Variants in RP1 observed in about 807,000 individuals in gnomAD.
RP1 encodes oxygen-regulated protein 1.
Under a neutral mutation model 14.8 loss-of-function variants are expected in RP1, and 16 were observed. The observed-to-expected ratio is 1.08, with a 90% CI of 0.73 to 1.65. The LOEUF (loss-of-function observed/expected upper bound fraction) is 1.65, where lower values mean the gene tolerates loss of function less well. RP1 is among the 40% of genes most tolerant of loss of function. The probability of loss-of-function intolerance (pLI) is 0.00; values close to 1 mark genes in which losing one functional copy is unlikely to be tolerated. For synonymous variants in RP1, 876 were observed against 883.6 expected (o/e 0.99, Z 0.15); for missense variants, 2,631 against 2,535.0 (o/e 1.04, Z -0.81).
chr8:54,863,101 C>A, intron 27 of RP1, among the ~76,000 whole-genome samples: 2 of 131,140 alleles, frequency 1.5e-5, no homozygotes, highest in Admixed American at 8.4e-5. Context: ...GCTGCATAAC[C>A]ATGTTTCAGT....
chr8:54,819,002 G>A (rs781655003), intron 24 of RP1, among the ~76,000 whole-genome samples: 9 of 151,938 alleles, frequency 5.9e-5, no homozygotes, highest in Non-Finnish European at 1.3e-4. Context: ...AGGAGGGGGA[G>A]GTGAAATGCA....
chr8:54,773,735 T>A (rs146204309), downstream of RP1, among the ~76,000 whole-genome samples: 290 of 152,286 alleles, frequency 1.9e-3, no homozygotes, highest in Non-Finnish European at 3.2e-3. Flanking sequence ...ATGAAAGAAC[T>A]GATATTGGAA....
intron 12 of RP1, among the ~76,000 whole-genome samples, chr8:54,694,977 A>G (rs893709207): frequency 2.0e-5 from 3 of 151,680 alleles, no homozygotes; most frequent in African/African-American, 4.8e-5. Context: ...ATTTCCCTCT[A>G]CACACTGCTT....
chr8:54,760,367 C>A (rs1209209432), intron 22 of RP1, among the ~76,000 whole-genome samples: 1 of 152,194 alleles, frequency 6.6e-6, no homozygotes, highest in Admixed American at 6.5e-5. Context: ...TCCAAGCTAG[C>A]CCTTCTATGG....
At chr8:54,841,091 C>T (rs1036826578) in intron 25 of RP1, among the ~76,000 whole-genome samples, 2 of 152,092 alleles carry the variant, frequency 1.3e-5, no homozygotes, top group African/African-American at 4.8e-5. Flanking sequence ...TGCTGAGTAC[C>T]ATCTTTTGGA....
intron 12 of RP1, among the ~76,000 whole-genome samples, chr8:54,695,321 A>G (rs1807832990): frequency 6.6e-6 from 1 of 152,130 alleles, no homozygotes; most frequent in African/African-American, 2.4e-5. Flanking sequence ...TTAACTGTTG[A>G]TGAGATAGTC....
rs575853477 is a variant in RP1, at chr8:54,599,129, T to C, written c.-12-21826T>C. Among the ~76,000 whole-genome samples the C allele has an allele frequency of 6.6e-5, 10 of 152,344 alleles. 1 individual carries two copies. The highest frequency in any genetic ancestry group is 6.8e-3 in the Middle Eastern group (2 of 294). On this transcript the variant is annotated intron_variant, in intron 1 of 22. Coordinates refer to the RP1 transcript ENST00000636932. ...CAAGTCCCTGAGGTTCTGTTCAATTTTTTTTTCAATCTATTTTCTCTCTGT... is the reference window on the plus strand; with the variant it reads ...CAAGTCCCTGAGGTTCTGTTCAATTCTTTTTTCAATCTATTTTCTCTCTGT...
chr8:54,832,670 T>C (rs1377686149), intron 24 of RP1, among the ~76,000 whole-genome samples: 1 of 151,974 alleles, frequency 6.6e-6, no homozygotes, highest in African/African-American at 2.4e-5. Flanking sequence ...CTAGTAATTT[T>C]GATTGCATAC....
At chr8:54,786,068 C>A (rs1401438572) in intron 24 of RP1, among the ~76,000 whole-genome samples, 1 of 152,006 alleles carries the variant, frequency 6.6e-6, no homozygotes, top group Admixed American at 6.6e-5. Flanking sequence ...ACAATTTTTT[C>A]TCCCGTTTTT....
chr8:54,761,429 G>C (rs1187045721), intron 22 of RP1, among the ~76,000 whole-genome samples: 2 of 151,714 alleles, frequency 1.3e-5, no homozygotes, highest in Non-Finnish European at 1.5e-5. Flanking sequence ...TTGAGACAGG[G>C]TTTCACCATG....
intron 1 of RP1, among the ~76,000 whole-genome samples, chr8:54,599,973 T>G (rs1440337665): frequency 1.1e-4 from 17 of 152,158 alleles, no homozygotes; most frequent in Admixed American, 1.1e-3. Flanking sequence ...CCACTTACAC[T>G]GCCTCATTTG....
upstream of RP1, among the ~76,000 whole-genome samples, chr8:54,611,736 T>C (rs2129310188): frequency 1.3e-5 from 2 of 152,294 alleles, no homozygotes; most frequent in Middle Eastern, 6.8e-3. Context: ...TAATGGGATA[T>C]ACTTTCCTCT....
intron 1 of RP1, among the ~76,000 whole-genome samples, chr8:54,579,310 C>T (rs116126379): frequency 1.4e-4 from 22 of 152,192 alleles, no homozygotes; most frequent in African/African-American, 5.3e-4. Flanking sequence ...CTAAGCAAAC[C>T]GAGGATGAGA....
chr8:54,763,786 T>A (rs1809699278), intron 22 of RP1, among the ~76,000 whole-genome samples: 1 of 152,124 alleles, frequency 6.6e-6, no homozygotes, highest in South Asian at 2.1e-4. Flanking sequence ...ATAGGTGGAG[T>A]GACCCTGAGG....
chr8:54,695,925 G>T (rs1317706941), intron 12 of RP1, among the ~76,000 whole-genome samples: 2 of 152,070 alleles, frequency 1.3e-5, no homozygotes, highest in African/African-American at 4.8e-5. Flanking sequence ...AAATAAATTA[G>T]AAATTAATTA....
chr8:54,801,196 G>A (rs1262353832), intron 24 of RP1, among the ~76,000 whole-genome samples: 1 of 152,138 alleles, frequency 6.6e-6, no homozygotes, highest in African/African-American at 2.4e-5. Flanking sequence ...GCTTGGGTCT[G>A]TCTACCTGGC....
intron 24 of RP1, among the ~76,000 whole-genome samples, chr8:54,804,696 G>A (rs191323737): frequency 2.2e-4 from 34 of 152,272 alleles, no homozygotes; most frequent in African/African-American, 6.7e-4. Context: ...TACATTTGAT[G>A]TAACACCAAT....
chr8:54,803,098 T>C (rs1810753322), intron 24 of RP1, among the ~76,000 whole-genome samples: 1 of 152,198 alleles, frequency 6.6e-6, no homozygotes, highest in Non-Finnish European at 1.5e-5. Flanking sequence ...ATTTTCTACA[T>C]CTTCTCAACT....
At chr8:54,759,826 GA>G (rs771175592) in intron 22 of RP1, among the ~76,000 whole-genome samples, 27 of 152,076 alleles carry the variant, frequency 1.8e-4, no homozygotes, top group Non-Finnish European at 3.5e-4. Flanking sequence ...CTTACAAATT[GA>G]GTTAAAACCC....
Sources: allele counts gnomAD v4.1 joint callset (sites outside exome capture counted in the v4.1 genomes callset), GRCh38; gene constraint gnomAD v4.1.1; transcripts MANE v1.5; gene names NCBI Gene and HGNC (gene_info 2026-07-23, HGNC 2026-07-21).